SDCCAG8: variants seen among roughly 807,000 people sequenced by gnomAD.
The protein encoded by SDCCAG8 is SHH signaling and ciliogenesis regulator SDCCAG8.
In SDCCAG8, 74 loss-of-function variants were observed where a neutral mutation model predicts 101.8. That is an observed-to-expected ratio of 0.73 (90% confidence interval 0.60 to 0.88). SDCCAG8 has a LOEUF of 0.88. Ranked by LOEUF, SDCCAG8 falls within the 40% of genes least tolerant of loss-of-function variation. The probability of loss-of-function intolerance (pLI) is 0.00; values close to 1 mark genes in which losing one functional copy is unlikely to be tolerated. For synonymous variants in SDCCAG8, 281 were observed against 292.9 expected, an observed-to-expected ratio of 0.96 and a Z score of 0.41; for missense variants, 787 against 822.6, an observed-to-expected ratio of 0.96 and a Z score of 0.53.
intron 16 of SDCCAG8, among the ~76,000 whole-genome samples, chr1:243,446,898 G>A (rs144212475): frequency 6.6e-6 from 1 of 152,116 alleles, no homozygotes; most frequent in South Asian, 2.1e-4. Context: ...ACTTTCTTAG[G>A]AGACTGTATG....
chr1:243,257,206 CTA>C (rs1484538181), intron 1 of SDCCAG8, among the ~76,000 whole-genome samples: 2 of 152,144 alleles, frequency 1.3e-5, no homozygotes, highest in Non-Finnish European at 1.5e-5. Context: ...TACATATAAA[CTA>C]TAAGTTTCAC....
At chr1:243,277,562 GTC>G (rs2068682032) in intron 4 of SDCCAG8, among the ~76,000 whole-genome samples, 1 of 152,144 alleles carries the variant, frequency 6.6e-6, no homozygotes, top group Non-Finnish European at 1.5e-5. Context: ...TATCAGATAT[GTC>G]TTTTTCAAGT....
At chr1:243,269,848 G>C (rs2067942711) in intron 1 of SDCCAG8, among the ~76,000 whole-genome samples, 5 of 152,082 alleles carry the variant, frequency 3.3e-5, no homozygotes, top group Admixed American at 2.6e-4. Context: ...CCTTGCCGGT[G>C]GTGCTATATG....
chr1:243,294,475 G>T (rs983102762), intron 6 of SDCCAG8, among the ~76,000 whole-genome samples: 4 of 117,242 alleles, frequency 3.4e-5, no homozygotes, highest in South Asian at 5.9e-4. Flanking sequence ...CCAAAAGGTG[G>T]GGGGGGGGAG....
chr1:243,383,047 C>T (rs1364526383), intron 13 of SDCCAG8, among the ~76,000 whole-genome samples: 1 of 152,050 alleles, frequency 6.6e-6, no homozygotes, highest in African/African-American at 2.4e-5. Context: ...GATCTGGATC[C>T]CTTTTACATA....
chr1:243,380,093 G>C (rs1276112249), intron 13 of SDCCAG8, among the ~76,000 whole-genome samples: 1 of 151,996 alleles, frequency 6.6e-6, no homozygotes, highest in African/African-American at 2.4e-5. Flanking sequence ...AAAGAGGAAA[G>C]AAAGAGAAAG....
intron 6 of SDCCAG8, among the ~76,000 whole-genome samples, chr1:243,300,717 A>G (rs2071412865): frequency 1.3e-5 from 2 of 152,040 alleles, no homozygotes; most frequent in African/African-American, 2.4e-5. Context: ...AAATCTTAAC[A>G]TTTCCTCTGT....
intron 2 of SDCCAG8, among the ~76,000 whole-genome samples, chr1:243,270,676 T>A (rs2068009178): frequency 6.6e-6 from 1 of 152,172 alleles, no homozygotes; most frequent in South Asian, 2.1e-4. Context: ...TGCAGTGTTA[T>A]CTCCTCTGTG....
intron 12 of SDCCAG8, among the ~76,000 whole-genome samples, chr1:243,354,025 A>G (rs2076250704): frequency 6.6e-6 from 1 of 152,202 alleles, no homozygotes; most frequent in South Asian, 2.1e-4. Context: ...TGAAAGGTGA[A>G]ACACAGATCA....
intron 16 of SDCCAG8, among the ~76,000 whole-genome samples, chr1:243,486,216 A>G (rs2148248700): frequency 6.6e-6 from 1 of 151,968 alleles, no homozygotes; most frequent in African/African-American, 2.4e-5. Context: ...AAAAAAAAAA[A>G]AAAAAAAAAA....
chr1:243,435,018 ACAC>A (rs1016992506), intron 16 of SDCCAG8, among the ~76,000 whole-genome samples: 9 of 152,316 alleles, frequency 5.9e-5, no homozygotes, highest in Middle Eastern at 3.4e-3. Flanking sequence ...AAAGAAAAAG[ACAC>A]CCTTTGATTT....
In SDCCAG8 at chr1:243,430,188, C is replaced by T. The variant is rs540248338; in HGVS notation, c.1985+3630C>T. ...TTCAATGAGAACATGACATTTGAAT[C>T]GGTAAGCAGTGGGATTAGATCAGGA... On this transcript the variant is annotated intron_variant, in intron 16 of 17. Coordinates refer to ENST00000366541, the MANE Select transcript of SDCCAG8 (RefSeq NM_006642.5). Among the ~76,000 whole-genome samples, 34 of 152,200 alleles carry T rather than the reference C, an allele frequency of 2.2e-4. No individual in the cohort carries two copies. In the South Asian group the frequency reaches 5.2e-3, roughly 23 times the overall value.
At chr1:243,321,089 T>C (rs980463024) in intron 9 of SDCCAG8, among the ~76,000 whole-genome samples, 3 of 152,214 alleles carry the variant, frequency 2.0e-5, no homozygotes, top group Non-Finnish European at 2.9e-5. Flanking sequence ...CTCTACCTAC[T>C]CAATGCTAGT....
intron 12 of SDCCAG8, among the ~76,000 whole-genome samples, chr1:243,374,291 A>G (rs1375200410): frequency 6.6e-6 from 1 of 152,112 alleles, no homozygotes; most frequent in African/African-American, 2.4e-5. Context: ...AAATAGTAGA[A>G]GAAAACATCC....
In SDCCAG8 at chr1:243,264,642, C is replaced by A. The variant is rs533769106; in HGVS notation, c.68-5463C>A. ...AAAAAAAAAGAAGAAAGAAAATGGA[C>A]AAGACAGACTGAAATTAGCTAGCAG... On this transcript the variant is annotated intron_variant, in intron 1 of 17. Transcript: ENST00000366541. Among the ~76,000 whole-genome samples the A allele has an allele frequency of 1.6e-4, 24 of 152,186 alleles. No individual in the cohort carries two copies. The East Asian group carries it at 4.6e-3, about 29-fold the overall frequency.
At chr1:243,327,307 AT>A (rs1190465905) in intron 9 of SDCCAG8, among the ~76,000 whole-genome samples, 1 of 145,906 alleles carries the variant, frequency 6.9e-6, no homozygotes, top group African/African-American at 2.6e-5. Context: ...ATAATTTATA[AT>A]TTTATAGAAA....
intron 12 of SDCCAG8, among the ~76,000 whole-genome samples, chr1:243,375,854 C>T (rs1013276197): frequency 6.6e-6 from 1 of 152,244 alleles, no homozygotes; most frequent in South Asian, 2.1e-4. Context: ...AACGGTTGGA[C>T]TTGGTGCCAT....
chr1:243,365,734 T>A (rs539347127), intron 12 of SDCCAG8, among the ~76,000 whole-genome samples: 2 of 152,292 alleles, frequency 1.3e-5, no homozygotes, highest in Non-Finnish European at 2.9e-5. Context: ...AGTAGCAGAC[T>A]AATTATCCAG....
At chr1:243,436,689 C>T (rs762008974) in intron 16 of SDCCAG8, among the ~76,000 whole-genome samples, 17 of 152,118 alleles carry the variant, frequency 1.1e-4, no homozygotes, top group Non-Finnish European at 2.4e-4. Flanking sequence ...ATAACTAATG[C>T]CTGTTTGGAG....
Sources: allele counts gnomAD v4.1 joint callset (sites outside exome capture counted in the v4.1 genomes callset), GRCh38; gene constraint gnomAD v4.1.1; transcripts MANE v1.5; gene names NCBI Gene and HGNC (gene_info 2026-07-23, HGNC 2026-07-21).